The following FAM153A variants were observed in gnomAD, a reference collection of about 807,000 sequenced individuals.
FAM153A encodes the protein family with sequence similarity 153 member A.
A neutral mutation model predicts 48.1 loss-of-function variants in FAM153A; 12 were observed. The observed-to-expected ratio is 0.25, with a 90% CI of 0.16 to 0.40. The LOEUF is 0.40. Ranked by LOEUF, FAM153A falls within the 10% of genes least tolerant of loss-of-function variation. The pLI is 1.00. For missense variants in FAM153A, 111 were observed against 345.8 expected, an observed-to-expected ratio of 0.32 and a Z score of 5.38; for synonymous variants, 36 against 118.2, an observed-to-expected ratio of 0.30 and a Z score of 4.51.
At chr5:177,738,496 C>T (rs1406195761) in intron 10 of FAM153A, among the ~76,000 whole-genome samples, 3 of 151,420 alleles carry the variant, frequency 2.0e-5, no homozygotes, top group Non-Finnish European at 4.4e-5. Context: ...CATATGCACA[C>T]ATAGGTGCTA....
At chr5:177,724,171 G>A in exon 21 of FAM153A, 1 of 1,607,810 alleles carries the variant, frequency 6.2e-7, no homozygotes, top group Non-Finnish European at 8.5e-7. Flanking sequence ...TTTCTTGCTG[G>A]GCTTCCTGGT....
chr5:177,759,816 G>A (rs909427503), intron 1 of FAM153A, among the ~76,000 whole-genome samples: 2 of 150,750 alleles, frequency 1.3e-5, no homozygotes, highest in African/African-American at 4.9e-5. Flanking sequence ...GCCTGTTGTG[G>A]GGGGGAGGGA....
intron 13 of FAM153A, 72 bp downstream of exon 15, chr5:177,734,791 C>A: frequency 6.2e-7 from 1 of 1,609,980 alleles, no homozygotes; most frequent in Non-Finnish European, 8.5e-7. Flanking sequence ...ATTCTCATAT[C>A]TTAATTTAAT....
chr5:177,778,261 TAAAAAAAAAAAA>T (rs774084490), intron 1 of FAM153A, among the ~76,000 whole-genome samples: 1 of 20,040 alleles, frequency 5.0e-5, no homozygotes, highest in Admixed American at 8.8e-4. Context: ...TAGAGTATAA[TAAAAAAAAAAAA>T]AAAAAAAAAA....
At chr5:177,712,086 T>C (rs1399266748) in exon 27 of FAM153A, 1 of 151,532 alleles carries the variant, frequency 6.6e-6, no homozygotes, top group Admixed American at 6.6e-5. Context: ...AGACAGAAAA[T>C]TCTTAACAAT....
chr5:177,697,439 C>T, the FAM153A span, among the ~76,000 whole-genome samples: 1 of 151,464 alleles, frequency 6.6e-6, no homozygotes, highest in Non-Finnish European at 1.5e-5. Context: ...TTTCTACTGT[C>T]AGTAATGAAC....
At chr5:177,728,859 GC>G (rs1393541023) in intron 18 of FAM153A, among the ~76,000 whole-genome samples, 163 bp downstream of exon 20, 8 of 146,500 alleles carry the variant, frequency 5.5e-5, no homozygotes, top group African/African-American at 2.1e-4. Context: ...GAGCCACTGT[GC>G]CCGGTGTGAC....
chr5:177,741,618 T>C (rs1414477854), intron 6 of FAM153A, among the ~76,000 whole-genome samples: 1 of 71,564 alleles, frequency 1.4e-5, no homozygotes, highest in Non-Finnish European at 2.9e-5. Context: ...TCCACTTTCC[T>C]GTTGAAATGT....
intron 2 of FAM153A, among the ~76,000 whole-genome samples, 193 bp from the exon 5 acceptor site, chr5:177,748,892 G>C (rs565682012): frequency 1.2e-3 from 161 of 139,236 alleles, no homozygotes; most frequent in Middle Eastern, 3.5e-3. Flanking sequence ...ACAGAAGTCA[G>C]GACCTGGTTC....
At chr5:177,749,833 G>C (rs1462279733) in intron 2 of FAM153A, among the ~76,000 whole-genome samples, 1 of 140,582 alleles carries the variant, frequency 7.1e-6, no homozygotes, top group African/African-American at 2.6e-5. Context: ...AATTGTACTG[G>C]TGAATTCTGC....
chr5:177,778,489 G>A lies in FAM153A; in HGVS notation c.-57+1960C>T, dbSNP rs1365788132. 2.1e-5 allele frequency among the ~76,000 whole-genome samples: 2 copies of A among 94,756 alleles called. 1 individual carries two copies. Among genetic ancestry groups the A allele is most frequent in the African/African-American group, 8.4e-5 (2 of 23,776 alleles). The allele number at this position is 94,756 out of a possible 152,430, so 62.2% of individuals were successfully genotyped here. A position where few individuals can be genotyped will look rare whatever the true frequency, so the allele number is the denominator to read the frequency against. On this transcript the variant is annotated intron_variant, in intron 1 of 8. Coordinates refer to the FAM153A transcript ENST00000393518. ...TTTTTATAATAATTGTGCAGGCCAG[G>A]TGTGGTGGCTCACATCCATAAAATC... is the stretch of plus-strand genomic sequence containing the variant.
At chr5:177,708,997 G>A (rs1160128647), downstream of FAM153A, among the ~76,000 whole-genome samples, 3 of 147,678 alleles carry the variant, frequency 2.0e-5, no homozygotes, top group African/African-American at 7.6e-5. Flanking sequence ...CGGGAGGCTG[G>A]GGCAGGAGAA....
At position 177,717,233 on chromosome 5, in the gene FAM153A, A is replaced by T. The variant is rs1760047318; in HGVS notation, c.*1081T>A. ...GAGTCATTTCAGACGAGTGTGAGCCATGAGAAATCAGAGCTGTTATTTTCG... is the reference window on the plus strand; with the variant it reads ...GAGTCATTTCAGACGAGTGTGAGCCTTGAGAAATCAGAGCTGTTATTTTCG... On this transcript the variant is annotated 3_prime_UTR_variant and NMD_transcript_variant, in exon 24 of 27. Coordinates refer to the FAM153A transcript ENST00000360669. 2.1e-5 allele frequency: 3 copies of T among 139,790 alleles called. 1 individual carries two copies. The allele number at this position is 139,790 out of a possible 1,614,324, so 8.7% of individuals were successfully genotyped here.
chr5:177,696,113 G>A, the FAM153A span, among the ~76,000 whole-genome samples: 1 of 129,962 alleles, frequency 7.7e-6, no homozygotes, highest in Non-Finnish European at 1.6e-5. Context: ...ACGGGGTGGC[G>A]GCTGGGCAGA....
downstream of FAM153A, among the ~76,000 whole-genome samples, chr5:177,704,295 G>A (rs531287879): frequency 4.2e-4 from 31 of 73,170 alleles, no homozygotes; most frequent in African/African-American, 2.4e-3. Context: ...GGTGGGAGGT[G>A]ATTGGACCAT....
At chr5:177,698,267 A>G in the FAM153A span, among the ~76,000 whole-genome samples, 3 of 151,932 alleles carry the variant, frequency 2.0e-5, no homozygotes, top group Admixed American at 2.0e-4. Context: ...CATCATCATT[A>G]CTTTTATAAT....
At chr5:177,704,696 C>T (rs373165672), downstream of FAM153A, among the ~76,000 whole-genome samples, 2 of 151,684 alleles carry the variant, frequency 1.3e-5, no homozygotes, top group African/African-American at 2.4e-5. Flanking sequence ...CTCATGAGAT[C>T]GGGTTGTTTA....
intron 16 of FAM153A, 32 bp from the exon 19 acceptor site, chr5:177,729,587 C>T (rs779447546): frequency 6.2e-7 from 1 of 1,608,688 alleles, no homozygotes; most frequent in Non-Finnish European, 8.5e-7. Flanking sequence ...AGCACATGAG[C>T]TCCACTGAGT....
downstream of FAM153A, among the ~76,000 whole-genome samples, chr5:177,703,019 C>T (rs1036257484): frequency 4.6e-5 from 7 of 152,168 alleles, 1 homozygote; most frequent in African/African-American, 1.7e-4. Flanking sequence ...CACGCAGAGT[C>T]CCCATTGGAA....
Sources: allele counts gnomAD v4.1 joint callset (sites outside exome capture counted in the v4.1 genomes callset), GRCh38; gene constraint gnomAD v4.1.1; transcripts MANE v1.5; gene names NCBI Gene and HGNC (gene_info 2026-07-23, HGNC 2026-07-21).